Variants in PTPRN2 observed in about 807,000 individuals in gnomAD.
The protein encoded by PTPRN2 is receptor-type tyrosine-protein phosphatase N2.
In PTPRN2, 74 loss-of-function variants were observed where a neutral mutation model predicts 118.8. That is an observed-to-expected ratio of 0.62 (90% CI 0.52 to 0.76). The LOEUF (loss-of-function observed/expected upper bound fraction) is 0.76, where lower values mean the gene tolerates loss of function less well. PTPRN2 is among the 30% of genes least tolerant of loss of function. The pLI, the probability that PTPRN2 is intolerant of heterozygous loss-of-function variation, is 0.00. For synonymous variants in PTPRN2, 641 were observed against 608.0 expected, an observed-to-expected ratio of 1.05 and a Z score of -0.80; for missense variants, 1,481 against 1,394.4, an observed-to-expected ratio of 1.06 and a Z score of -0.99.
intron 11 of PTPRN2, among the ~76,000 whole-genome samples, chr7:157,922,843 G>A (rs1413904828): frequency 6.6e-6 from 1 of 152,164 alleles, no homozygotes; most frequent in African/African-American, 2.4e-5. Flanking sequence ...CTAATCCTGA[G>A]GTCACTCGCT....
intron 2 of PTPRN2, among the ~76,000 whole-genome samples, chr7:158,336,637 ACT>A (rs1443889161): frequency 7.5e-6 from 1 of 133,980 alleles, no homozygotes; most frequent in East Asian, 2.3e-4. Context: ...TGCAGACGTC[ACT>A]CACACCCACA....
chr7:157,663,333 C>A (rs1033192592), intron 13 of PTPRN2, among the ~76,000 whole-genome samples: 16 of 152,194 alleles, frequency 1.1e-4, no homozygotes, highest in Admixed American at 5.9e-4. Context: ...GGCCGTCCTG[C>A]ACGTGCCCCT....
At chr7:157,984,739 G>C (rs985992208) in intron 11 of PTPRN2, among the ~76,000 whole-genome samples, 2 of 152,134 alleles carry the variant, frequency 1.3e-5, no homozygotes, top group African/African-American at 4.8e-5. Context: ...CCCACATGCA[G>C]CTCATCCCCG....
intron 10 of PTPRN2, among the ~76,000 whole-genome samples, chr7:158,090,361 A>G (rs939987221): frequency 3.3e-5 from 5 of 152,264 alleles, no homozygotes; most frequent in Admixed American, 2.6e-4. Flanking sequence ...ATGAAAAAAT[A>G]TATCACTGAG....
At position 158,273,444 on chromosome 7, in the gene PTPRN2, GGGAGGAGCCGCAGACGCA is replaced by G. The variant is rs1563072587; in HGVS notation, c.277+43357_277+43374del. 8.8e-5 allele frequency among the ~76,000 whole-genome samples: 8 copies of G among 91,148 alleles called. 1 individual carries two copies. The allele number at this position is 91,148 out of a possible 152,430, so 59.8% of individuals were successfully genotyped here. On this transcript the variant is annotated intron_variant, in intron 3 of 22. Transcript: ENST00000389418. ...CGCGGGAGGAGCCGCAGACAGACGCGGGAGGAGCCGCAGACGCAGGGGGAGCCGCAGGCACAGGGGGAG... is the reference window on the plus strand; with the variant it reads ...CGCGGGAGGAGCCGCAGACAGACGCGGGGGGAGCCGCAGGCACAGGGGGAG...
Position 157,585,546 on chromosome 7 carries a change from T to C in PTPRN2, c.2497-7406A>G, listed in dbSNP as rs1408295426. Among the ~76,000 whole-genome samples, 1 of 152,200 alleles carries C rather than the reference T, an allele frequency of 6.6e-6. No individual in the cohort carries two copies. On this transcript the variant is annotated intron_variant, in intron 17 of 22. Coordinates refer to ENST00000389418, the MANE Select transcript of PTPRN2 (RefSeq NM_002847.5). The surrounding 1 kb of genome is among the most constrained non-coding windows in gnomAD (Gnocchi z 5.2). ...CGTGGGTGCCTTTGTGATCAGGCAT[T>C]GGACCCGCACAGGAAGTCACCTGGC...
intron 3 of PTPRN2, among the ~76,000 whole-genome samples, chr7:158,294,209 C>T (rs1442208229): frequency 2.0e-5 from 3 of 152,164 alleles, no homozygotes; most frequent in African/African-American, 4.8e-5. Context: ...CCATCATGTA[C>T]GCGATCTGCT....
At chr7:158,006,678 G>A (rs1182908807) in intron 11 of PTPRN2, among the ~76,000 whole-genome samples, 1 of 152,206 alleles carries the variant, frequency 6.6e-6, no homozygotes, top group African/African-American at 2.4e-5. Context: ...GAGCCACCTG[G>A]TGTGGCTGTG....
At chr7:157,665,108 C>T (rs1337828213) in intron 13 of PTPRN2, among the ~76,000 whole-genome samples, 32 of 152,256 alleles carry the variant, frequency 2.1e-4, no homozygotes, top group Admixed American at 2.1e-3. Flanking sequence ...CCTGCACAGC[C>T]TGGCCTGGGG....
At chr7:157,905,741 A>G (rs184941878) in intron 11 of PTPRN2, among the ~76,000 whole-genome samples, 1 of 152,292 alleles carries the variant, frequency 6.6e-6, no homozygotes, top group Admixed American at 6.5e-5. Flanking sequence ...TGTAATCTAA[A>G]TTACAATGGG....
At chr7:158,554,096 C>G (rs1200344593) in intron 1 of PTPRN2, among the ~76,000 whole-genome samples, 1 of 152,218 alleles carries the variant, frequency 6.6e-6, no homozygotes, top group Non-Finnish European at 1.5e-5. Context: ...TATACCCCAT[C>G]TCTTCTAAAA....
chr7:158,275,139 A>G (rs1342559660), intron 3 of PTPRN2, among the ~76,000 whole-genome samples: 1 of 152,206 alleles, frequency 6.6e-6, no homozygotes, highest in East Asian at 1.9e-4. Context: ...CCCGGGGAAG[A>G]GCTCAAGCCA....
chr7:158,386,799 G>A (rs1347572297), intron 2 of PTPRN2, among the ~76,000 whole-genome samples: 1 of 152,172 alleles, frequency 6.6e-6, no homozygotes, highest in Non-Finnish European at 1.5e-5. Context: ...CTCTTGCTGT[G>A]GTGGTTTCAA....
intron 2 of PTPRN2, among the ~76,000 whole-genome samples, chr7:158,346,091 CA>C (rs1807491902): frequency 6.6e-6 from 1 of 152,204 alleles, no homozygotes; most frequent in Non-Finnish European, 1.5e-5. Context: ...TTTATGAATA[CA>C]ATGTGGAATA....
intron 6 of PTPRN2, among the ~76,000 whole-genome samples, chr7:158,147,835 C>A (rs1585622729): frequency 7.6e-6 from 1 of 131,756 alleles, no homozygotes. Context: ...TCAATGACAC[C>A]CCATCTCACG....
chr7:157,806,966 T>C (rs1047469165), intron 12 of PTPRN2, among the ~76,000 whole-genome samples: 4 of 152,250 alleles, frequency 2.6e-5, no homozygotes, highest in Non-Finnish European at 5.9e-5. Context: ...TCAGCTCCTC[T>C]GTTCCAGGGA....
At chr7:158,178,605 T>C (rs898536773) in intron 5 of PTPRN2, among the ~76,000 whole-genome samples, 1 of 142,942 alleles carries the variant, frequency 7.0e-6, no homozygotes, top group African/African-American at 2.6e-5. Context: ...TTTTTTTTTT[T>C]TTTTTTTTTT....
At chr7:158,494,666 A>C (rs112508092) in intron 1 of PTPRN2, among the ~76,000 whole-genome samples, 4 of 152,172 alleles carry the variant, frequency 2.6e-5, no homozygotes, top group African/African-American at 7.2e-5. Flanking sequence ...CTGGGATCCA[A>C]CTGCAAACAG....
At chr7:157,742,797 A>G (rs1225856077) in intron 12 of PTPRN2, among the ~76,000 whole-genome samples, 1 of 152,216 alleles carries the variant, frequency 6.6e-6, no homozygotes, top group Non-Finnish European at 1.5e-5. Context: ...GCAGAAAGAC[A>G]CAGTCTCAGT....
Sources: gnomAD v4.1 joint callset for allele counts (sites outside exome capture counted in the v4.1 genomes callset) on GRCh38, gnomAD v4.1.1 for gene constraint, Gnocchi (gnomAD v3.1) non-coding constraint, MANE v1.5 for transcripts, NCBI Gene and HGNC (gene_info 2026-07-23, HGNC 2026-07-21) for gene names.